Variants in TMEM131 observed in about 807,000 individuals in gnomAD.
TMEM131 encodes the protein 2610524E03Rik.
In TMEM131, 66 loss-of-function variants were observed where a neutral mutation model predicts 211.6. The observed-to-expected ratio is 0.31, with a 90% CI of 0.26 to 0.38. The LOEUF (loss-of-function observed/expected upper bound fraction) is 0.38, where lower values mean the gene tolerates loss of function less well. Ranked by LOEUF, TMEM131 falls within the 10% of genes least tolerant of loss-of-function variation. The pLI is 1.00. For missense variants in TMEM131, 2,036 were observed against 2,299.3 expected, an observed-to-expected ratio of 0.89 and a Z score of 2.34; for synonymous variants, 844 against 841.3, an observed-to-expected ratio of 1.00 and a Z score of -0.06.
chr2:97,907,584 G>T lies in TMEM131; in HGVS notation c.290+1074C>A, dbSNP rs75087354. On this transcript the variant is annotated intron_variant, in intron 3 of 40. Coordinates refer to ENST00000186436, the MANE Select transcript of TMEM131 (RefSeq NM_015348.2). ...ATGGAAACTGCAGTGATGACAGCAA[G>T]GGTGGGGACACCTTCTGTTGCCATA... Among the ~76,000 whole-genome samples, 705 of 152,318 alleles carry T rather than the reference G, an allele frequency of 4.6e-3. 5 individuals carry two copies. Among genetic ancestry groups the T allele is most frequent in the South Asian group, 0.017 (80 of 4,832 alleles).
chr2:97,758,636 G>A (rs1249509972), intron 40 of TMEM131, among the ~76,000 whole-genome samples: 3 of 152,238 alleles, frequency 2.0e-5, no homozygotes, highest in African/African-American at 7.2e-5. Flanking sequence ...TATTAGGAGG[G>A]ACTCCAGAGA....
At chr2:97,922,704 G>A (rs1023157825) in intron 2 of TMEM131, among the ~76,000 whole-genome samples, 1 of 152,122 alleles carries the variant, frequency 6.6e-6, no homozygotes. Context: ...AAATTACAGG[G>A]AAAGGCAATT....
At chr2:97,937,238 C>A (rs1677488253) in intron 1 of TMEM131, among the ~76,000 whole-genome samples, 1 of 152,064 alleles carries the variant, frequency 6.6e-6, no homozygotes, top group Non-Finnish European at 1.5e-5. Flanking sequence ...CTGGAAAAAA[C>A]AAGCAAATTG....
At chr2:97,951,852 C>T (rs1678332555) in intron 1 of TMEM131, among the ~76,000 whole-genome samples, 1 of 152,044 alleles carries the variant, frequency 6.6e-6, no homozygotes, top group Non-Finnish European at 1.5e-5. Flanking sequence ...AACTTGAAGA[C>T]AGATCTAAAG....
intron 1 of TMEM131, among the ~76,000 whole-genome samples, chr2:97,990,555 T>A (rs1680218629): frequency 6.6e-6 from 1 of 152,212 alleles, no homozygotes; most frequent in Non-Finnish European, 1.5e-5. Flanking sequence ...AGTTTCATGA[T>A]CTCTAGATTA....
intron 11 of TMEM131, among the ~76,000 whole-genome samples, chr2:97,820,324 G>A (rs1277288930): frequency 6.6e-6 from 1 of 152,176 alleles, no homozygotes; most frequent in East Asian, 1.9e-4. Context: ...AAAGGTGAGT[G>A]TGTGTATTTT....
chr2:97,881,731 G>T (rs1396287351), intron 4 of TMEM131, among the ~76,000 whole-genome samples: 2 of 132,152 alleles, frequency 1.5e-5, no homozygotes, highest in South Asian at 3.1e-4. Flanking sequence ...AAAGGGGGGG[G>T]GGCGGGGGAG....
At chr2:97,828,427 CAA>C (rs1682502643) in intron 11 of TMEM131, among the ~76,000 whole-genome samples, 1 of 152,100 alleles carries the variant, frequency 6.6e-6, no homozygotes, top group Non-Finnish European at 1.5e-5. Context: ...CCTCAAAGCT[CAA>C]GTGTCTCAGC....
At chr2:97,963,969 T>G (rs1678931106) in intron 1 of TMEM131, among the ~76,000 whole-genome samples, 1 of 152,246 alleles carries the variant, frequency 6.6e-6, no homozygotes, top group African/African-American at 2.4e-5. Context: ...TATAAATGTT[T>G]TCCAGAATCC....
chr2:97,859,700 G>A (rs993960170), intron 4 of TMEM131, among the ~76,000 whole-genome samples: 4 of 152,162 alleles, frequency 2.6e-5, no homozygotes, highest in Admixed American at 2.0e-4. Flanking sequence ...GGCGGCGGAC[G>A]GGGCACAAAA....
At chr2:97,946,679 A>G (rs1170681061) in intron 1 of TMEM131, among the ~76,000 whole-genome samples, 1 of 151,994 alleles carries the variant, frequency 6.6e-6, no homozygotes, top group Non-Finnish European at 1.5e-5. Context: ...AAAAAAAATC[A>G]TACGCAAACT....
chr2:97,760,950 T>C (rs2104757927), intron 36 of TMEM131, 36 bp from the exon 37 acceptor site: 10 of 1,612,122 alleles, frequency 6.2e-6, no homozygotes, highest in East Asian at 2.2e-5. Context: ...TCATTCCTCA[T>C]CAGCAGTGCC....
intron 4 of TMEM131, among the ~76,000 whole-genome samples, chr2:97,867,201 T>C (rs1445725553): frequency 6.6e-6 from 1 of 152,172 alleles, no homozygotes; most frequent in African/African-American, 2.4e-5. Flanking sequence ...ACAAGTCAAG[T>C]TGGTTTATAC....
At position 97,766,563 on chromosome 2, in the gene TMEM131, C is replaced by T; in HGVS notation, c.4488G>A (p.Lys1496=). 6.2e-7 allele frequency: 1 copy of T among 1,613,962 alleles called. No homozygotes were observed. Among genetic ancestry groups the T allele is most frequent in the Non-Finnish European group, 8.5e-7 (1 of 1,179,856 alleles). Residue 1496 remains lysine, a synonymous_variant, in exon 34 of 41, where the codon AAG becomes AAA. Transcript: ENST00000186436. ...TCTTGCTTGGGAGATTTCTACGTTGCTTACTTTCCAAAGGGGGAGTATATG... is the reference window on the plus strand; with the variant it reads ...TCTTGCTTGGGAGATTTCTACGTTGTTTACTTTCCAAAGGGGGAGTATATG... The part of the protein sequence containing the change: ...ELPYTPPLES[K]QRRNLPSKIP...
intron 3 of TMEM131, among the ~76,000 whole-genome samples, chr2:97,895,092 T>A (rs1315336171): frequency 2.0e-5 from 3 of 152,230 alleles, no homozygotes; most frequent in Non-Finnish European, 4.4e-5. Context: ...GGGTGTTGAA[T>A]TTTGTCGAAG....
intron 12 of TMEM131, among the ~76,000 whole-genome samples, chr2:97,818,215 C>T (rs956898503): frequency 3.9e-5 from 6 of 152,010 alleles, no homozygotes; most frequent in African/African-American, 1.4e-4. Context: ...GAAAATGTTA[C>T]AAAGAATACT....
Position 97,818,697 on chromosome 2 carries a change from C to T in TMEM131, c.1099G>A (p.Asp367Asn), listed in dbSNP as rs1334756366. 6.2e-7 allele frequency: 1 copy of T among 1,605,582 alleles called. No homozygotes were observed. Among genetic ancestry groups the T allele is most frequent in the South Asian group, 1.1e-5 (1 of 89,674 alleles). ...ITSVRPTPQNDAITVHFKPIT... is the reference protein window; with the variant it reads ...ITSVRPTPQNNAITVHFKPIT... The stretch of plus-strand genomic sequence containing the variant: ...GGTTTAAAGTGTACCGTTATAGCAT[C>T]ATTTTGTGGTGTAGGTCGAACACTC... Residue 367 changes from aspartate (D) to asparagine (N), a missense_variant, in exon 12 of 41, where the codon GAT becomes AAT. By Grantham distance (23) the Asp-to-Asn change is conservative (BLOSUM62 1). Transcript: ENST00000186436.
chr2:97,760,496 G>A (rs997694395), intron 38 of TMEM131, 97 bp downstream of exon 38: 8 of 1,136,686 alleles, frequency 7.0e-6, no homozygotes, highest in Non-Finnish European at 1.0e-5. Context: ...TGTAAATTAG[G>A]GGAAAAATGC....
chr2:97,985,674 T>C (rs1298330364), intron 1 of TMEM131, among the ~76,000 whole-genome samples: 5 of 149,180 alleles, frequency 3.4e-5, no homozygotes, highest in African/African-American at 9.9e-5. Context: ...TGCATAGACA[T>C]ATACATGAGA....
Sources: gnomAD v4.1 joint callset for allele counts (sites outside exome capture counted in the v4.1 genomes callset) on GRCh38, gnomAD v4.1.1 for gene constraint, MANE v1.5 for transcripts, NCBI Gene and HGNC (gene_info 2026-07-23, HGNC 2026-07-21) for gene names.